ASAP2: variants seen among roughly 807,000 people sequenced by gnomAD.
The protein encoded by ASAP2 is ArfGAP with SH3 domain, ankyrin repeat and PH domain 2.
In ASAP2, 45 loss-of-function variants were observed where a neutral mutation model predicts 131.4. The observed-to-expected ratio is 0.34, with a 90% CI of 0.27 to 0.44. The LOEUF (loss-of-function observed/expected upper bound fraction) is 0.44. Among genes scored for constraint, ASAP2 ranks in the 20% least tolerant of loss-of-function variants. ASAP2 has a pLI of 1.00. For synonymous variants in ASAP2, 510 were observed against 503.0 expected (o/e 1.01, Z -0.19); for missense variants, 1,011 against 1,297.0 (o/e 0.78, Z 3.39).
intron 15 of ASAP2, among the ~76,000 whole-genome samples, chr2:9,359,519 A>C (rs1672949223): frequency 6.6e-6 from 1 of 152,234 alleles, no homozygotes; most frequent in South Asian, 2.1e-4. Flanking sequence ...TGGCCACCTA[A>C]TACATGAGCT....
chr2:9,373,931 G>A (rs12472937), intron 16 of ASAP2, among the ~76,000 whole-genome samples: 18,799 of 152,270 alleles, frequency 0.12, 1,387 homozygotes, highest in African/African-American at 0.21. Context: ...TCCAAGGCCC[G>A]GGACCCACTG....
intron 23 of ASAP2, among the ~76,000 whole-genome samples, chr2:9,391,740 A>AT (rs33928425): frequency 0.099 from 12,699 of 128,434 alleles, 1,254 homozygotes; most frequent in African/African-American, 0.26. Context: ...ATGCTCAGCT[A>AT]TTTTTTTTTT....
intron 1 of ASAP2, among the ~76,000 whole-genome samples, chr2:9,208,667 C>T (rs1661321075): frequency 6.6e-6 from 1 of 152,176 alleles, no homozygotes. Context: ...CCCCAGATCA[C>T]TTAATTCTAC....
Position 9,207,231 on chromosome 2 carries a change from G to T in ASAP2, c.126+1G>T. 6.3e-7 allele frequency: 1 copy of T among 1,581,174 alleles called. No individual in the cohort carries two copies. Among genetic ancestry groups the T allele is most frequent in the Non-Finnish European group, 8.6e-7 (1 of 1,166,632 alleles). ...GAACACTGTGGCGGCCATCGAGGAG[G>T]TGAGGCGGCCTGCGCGGCGGCTCCG... On this transcript the variant is annotated splice_donor_variant, in intron 1 of 27. Transcript: ENST00000281419. LOFTEE classifies it high-confidence loss of function. The surrounding 1 kb of genome is among the most constrained non-coding windows in gnomAD (Gnocchi z 4.1).
At chr2:9,395,241 G>C (rs2148810034) in intron 24 of ASAP2, among the ~76,000 whole-genome samples, 1 of 152,308 alleles carries the variant, frequency 6.6e-6, no homozygotes, top group South Asian at 2.1e-4. Flanking sequence ...GGGAGACCAA[G>C]GTGGGCGGAT....
chr2:9,401,974 A>C (rs1676724732), intron 27 of ASAP2, among the ~76,000 whole-genome samples: 1 of 152,222 alleles, frequency 6.6e-6, no homozygotes, highest in Non-Finnish European at 1.5e-5. Context: ...GTGAGCACCC[A>C]CTAAGCGGCA....
chr2:9,370,866 A>G (rs1425072116), intron 16 of ASAP2, among the ~76,000 whole-genome samples: 1 of 152,180 alleles, frequency 6.6e-6, no homozygotes, highest in East Asian at 1.9e-4. Flanking sequence ...GGTGAAGGAA[A>G]CGTCGTGAAT....
At chr2:9,315,073 A>G (rs1014353003) in intron 3 of ASAP2, among the ~76,000 whole-genome samples, 23 of 152,196 alleles carry the variant, frequency 1.5e-4, no homozygotes, top group African/African-American at 5.1e-4. Context: ...GATAGGGAAG[A>G]CGTTTCCGTC....
chr2:9,213,943 G>T lies in ASAP2; in HGVS notation c.126+6713G>T, dbSNP rs1651665589. ...GGAAAGATTGAAGCATAGCTGCATA[G>T]ACTGGGGCCCAGGGAAAGAGAGAAG... On this transcript the variant is annotated intron_variant, in intron 1 of 27. Coordinates refer to ENST00000281419, the MANE Select transcript of ASAP2 (RefSeq NM_003887.3). Among the ~76,000 whole-genome samples, 3 of 152,332 alleles carry T rather than the reference G, an allele frequency of 2.0e-5. No homozygotes were observed. In the South Asian group the frequency reaches 6.2e-4, roughly 32 times the overall value.
At chr2:9,213,643 G>A (rs940794805) in intron 1 of ASAP2, among the ~76,000 whole-genome samples, 1 of 152,094 alleles carries the variant, frequency 6.6e-6, no homozygotes, top group African/African-American at 2.4e-5. Context: ...TGGCCTGATT[G>A]AGGTCCATTG....
Position 9,319,440 on chromosome 2 carries a change from C to A in ASAP2, c.420+842C>A, listed in dbSNP as rs371025140. Among the ~76,000 whole-genome samples, 466 of 152,328 alleles carry A rather than the reference C, an allele frequency of 3.1e-3. 4 individuals carry two copies. The highest frequency in any genetic ancestry group is 9.9e-3 in the African/African-American group (413 of 41,582). On this transcript the variant is annotated intron_variant, in intron 4 of 27. Transcript: ENST00000281419. ...CTGTTCAGACACATTCCCCATCGAG[C>A]CTTCAGGGGCTTGGAGAACAGGTCA... is the stretch of plus-strand genomic sequence containing the variant.
intron 1 of ASAP2, among the ~76,000 whole-genome samples, chr2:9,244,315 G>T (rs1002885375): frequency 2.5e-4 from 38 of 152,254 alleles, no homozygotes; most frequent in African/African-American, 9.1e-4. Context: ...ACAATAAAAA[G>T]AATTTGAATA....
chr2:9,215,346 C>T (rs1449438506), intron 1 of ASAP2, among the ~76,000 whole-genome samples: 1 of 152,012 alleles, frequency 6.6e-6, no homozygotes, highest in South Asian at 2.1e-4. Context: ...AAAATTTTTA[C>T]CATGCTCATA....
At chr2:9,278,029 A>T (rs1558290156) in intron 1 of ASAP2, among the ~76,000 whole-genome samples, 1 of 152,184 alleles carries the variant, frequency 6.6e-6, no homozygotes, top group Non-Finnish European at 1.5e-5. Context: ...TGTGTTTCTG[A>T]TGATAGGTTG....
At chr2:9,401,987 T>C (rs1167952349) in intron 27 of ASAP2, among the ~76,000 whole-genome samples, 2 of 152,172 alleles carry the variant, frequency 1.3e-5, no homozygotes, top group African/African-American at 4.8e-5. Context: ...AAGCGGCAGC[T>C]GCAGACAGTG....
intron 17 of ASAP2, 22 bp downstream of exon 17, chr2:9,374,966 A>C: frequency 6.6e-7 from 1 of 1,524,002 alleles, no homozygotes; most frequent in South Asian, 1.3e-5. Flanking sequence ...GGTTGTTGCT[A>C]CTTTAAAAAA....
At chr2:9,344,865 C>T in intron 11 of ASAP2, 65 bp downstream of exon 11, 2 of 1,429,126 alleles carry the variant, frequency 1.4e-6, no homozygotes, top group Non-Finnish European at 2.0e-6. Flanking sequence ...GGAGGACTTT[C>T]TGAAGTTAGA....
intron 24 of ASAP2, among the ~76,000 whole-genome samples, chr2:9,393,969 C>T: frequency 6.6e-6 from 1 of 152,134 alleles, no homozygotes; most frequent in South Asian, 2.1e-4. Context: ...TTGTTTTGAA[C>T]ACATAGACCC....
At chr2:9,323,684 G>A (rs934729206) in intron 6 of ASAP2, among the ~76,000 whole-genome samples, 11 of 151,914 alleles carry the variant, frequency 7.2e-5, no homozygotes, top group Non-Finnish European at 1.3e-4. Flanking sequence ...TGGATGGGAA[G>A]TCCAGTCACC....
Sources: gnomAD v4.1 joint callset for allele counts (sites outside exome capture counted in the v4.1 genomes callset) on GRCh38, gnomAD v4.1.1 for gene constraint, Gnocchi (gnomAD v3.1) non-coding constraint, MANE v1.5 for transcripts, NCBI Gene and HGNC (gene_info 2026-07-23, HGNC 2026-07-21) for gene names.